Variants in PTK2 observed in about 807,000 individuals in gnomAD.
The protein encoded by PTK2 is protein tyrosine kinase 2, also known as focal adhesion kinase 1.
A neutral mutation model predicts 150.1 loss-of-function variants in PTK2; 45 were observed. The observed-to-expected ratio is 0.30, with a 90% confidence interval of 0.24 to 0.38. The LOEUF (loss-of-function observed/expected upper bound fraction) is 0.38, where lower values mean the gene tolerates loss of function less well. Ranked by LOEUF, PTK2 falls within the 10% of genes least tolerant of loss-of-function variation. The probability of loss-of-function intolerance (pLI) is 1.00; values close to 1 mark genes in which losing one functional copy is unlikely to be tolerated. For synonymous variants in PTK2, 432 were observed against 449.2 expected (o/e 0.96, Z 0.48); for missense variants, 919 against 1,307.3 (o/e 0.70, Z 4.58).
At chr8:140,840,195 A>C (rs1282300307) in intron 7 of PTK2, among the ~76,000 whole-genome samples, 2 of 152,148 alleles carry the variant, frequency 1.3e-5, no homozygotes, top group African/African-American at 2.4e-5. Context: ...ACTAGGTGAG[A>C]CCACAGCTGC....
chr8:140,927,975 A>AAT (rs1179717665), intron 1 of PTK2, among the ~76,000 whole-genome samples: 583 of 48,074 alleles, frequency 0.012, 8 homozygotes, highest in East Asian at 0.043. Flanking sequence ...AAAAAAAAAA[A>AAT]ATATATATAT....
intron 30 of PTK2, among the ~76,000 whole-genome samples, chr8:140,667,481 TAA>T: frequency 6.7e-6 from 1 of 148,928 alleles, no homozygotes; most frequent in African/African-American, 2.5e-5. Context: ...TTTTTTTTTT[TAA>T]AGAGATGGGG....
intron 8 of PTK2, among the ~76,000 whole-genome samples, chr8:140,822,820 T>G (rs957081270): frequency 1.4e-4 from 21 of 152,220 alleles, no homozygotes; most frequent in Admixed American, 2.6e-4. Flanking sequence ...AATAATTACA[T>G]GTCTCTGCCA....
intron 2 of PTK2, among the ~76,000 whole-genome samples, chr8:140,900,726 AG>A (rs1270024075): frequency 1.3e-5 from 2 of 151,834 alleles, no homozygotes; most frequent in Non-Finnish European, 2.9e-5. Flanking sequence ...TCTCAAAAAG[AG>A]AGAAAAAAAA....
chr8:140,764,733 T>C (rs1468325139), intron 14 of PTK2, among the ~76,000 whole-genome samples: 3 of 152,218 alleles, frequency 2.0e-5, no homozygotes, highest in African/African-American at 4.8e-5. Context: ...GACAGCATAA[T>C]CTGAACGGAA....
rs1296424168 is a variant in PTK2 at position 140,981,048 on chromosome 8, C to T, written c.-122+20077G>A. Among the ~76,000 whole-genome samples the T allele has an allele frequency of 2.0e-5, 3 of 149,988 alleles. No homozygotes were observed. The South Asian group carries it at 6.4e-4, about 32-fold the overall frequency. On this transcript the variant is annotated intron_variant, in intron 1 of 31. Transcript: ENST00000522684. ...GTGCTGGGATTACAGGCATGAGCCACCGCACCCAGCCTCTAAAGCTTTTTA... is the reference window on the plus strand; with the variant it reads ...GTGCTGGGATTACAGGCATGAGCCATCGCACCCAGCCTCTAAAGCTTTTTA...
In PTK2 at chr8:140,683,772, G is replaced by GAA. The variant is rs55861612; in HGVS notation, c.2562+2858_2562+2859dup. Among the ~76,000 whole-genome samples, 459 of 145,318 alleles carry GAA rather than the reference G, an allele frequency of 3.2e-3. 6 individuals carry two copies. The highest frequency in any genetic ancestry group is 0.011 in the African/African-American group (415 of 39,442). ...AAACTACAGGATTATCTCAATAGAT[G>GAA]AAAAAAAAAAAAGCTTCCAATAAAA... On this transcript the variant is annotated intron_variant, in intron 27 of 31. Coordinates refer to ENST00000522684, the Ensembl canonical transcript of PTK2.
At chr8:140,954,454 T>C (rs2100180550) in intron 1 of PTK2, among the ~76,000 whole-genome samples, 1 of 152,226 alleles carries the variant, frequency 6.6e-6, no homozygotes, top group Non-Finnish European at 1.5e-5. Context: ...CTTATAAAGT[T>C]ATTGTGAGGA....
intron 23 of PTK2, among the ~76,000 whole-genome samples, chr8:140,707,740 T>C (rs534330164): frequency 3.3e-4 from 50 of 152,328 alleles, no homozygotes; most frequent in Non-Finnish European, 6.5e-4. Flanking sequence ...TTGTATGGTA[T>C]GTAAATTGTA....
At chr8:140,667,711 C>G (rs1216209928) in intron 30 of PTK2, among the ~76,000 whole-genome samples, 1 of 152,168 alleles carries the variant, frequency 6.6e-6, no homozygotes, top group Non-Finnish European at 1.5e-5. Flanking sequence ...TTTATTTTTA[C>G]TCTTTTTAAA....
At chr8:140,757,619 G>T (rs1437767292) in intron 16 of PTK2, among the ~76,000 whole-genome samples, 1 of 152,076 alleles carries the variant, frequency 6.6e-6, no homozygotes. Flanking sequence ...CATAAACATG[G>T]AGTTACTGAA....
At chr8:140,710,495 C>T (rs986387436) in intron 23 of PTK2, among the ~76,000 whole-genome samples, 1 of 151,934 alleles carries the variant, frequency 6.6e-6, no homozygotes. Flanking sequence ...ATGGTGAAAC[C>T]CTGTCTTTAC....
At chr8:140,776,830 G>A (rs2100078735) in intron 14 of PTK2, among the ~76,000 whole-genome samples, 1 of 152,158 alleles carries the variant, frequency 6.6e-6, no homozygotes, top group South Asian at 2.1e-4. Context: ...AACACAATGA[G>A]ATCCCCAAGG....
exon 28 of PTK2, chr8:140,675,484 T>C (rs557669175): frequency 1.2e-6 from 2 of 1,611,892 alleles, no homozygotes; most frequent in South Asian, 2.2e-5. Flanking sequence ...GGCTGATATA[T>C]ATGTTGGTTT....
chr8:140,988,037 C>G (rs898536243), intron 1 of PTK2, among the ~76,000 whole-genome samples: 39 of 138,564 alleles, frequency 2.8e-4, no homozygotes, highest in Admixed American at 1.4e-3. Context: ...AGAGTGAGAC[C>G]CTGTCTCAAA....
chr8:141,000,478 T>C (rs940090959), intron 1 of PTK2, among the ~76,000 whole-genome samples: 2 of 152,152 alleles, frequency 1.3e-5, no homozygotes, highest in Admixed American at 6.5e-5. Flanking sequence ...GGGCGAACCC[T>C]GCCGACGTCC....
rs770397659 is a variant in PTK2 at position 140,734,822 on chromosome 8, G to A, written c.2030+429C>T. 4 of 498,988 alleles carry A rather than the reference G, an allele frequency of 8.0e-6. No individual in the cohort carries two copies. The East Asian group carries it at 1.7e-4, about 21-fold the overall frequency. The allele number at this position is 498,988 out of a possible 1,614,324, so 30.9% of individuals were successfully genotyped here. A position where few individuals can be genotyped will look rare whatever the true frequency, so the allele number is the denominator to read the frequency against. ...AAAAGTTTATAGGTGGCAAAGGTCA[G>A]GAAAGGGATTTCTGGGAGTGAAGAC... On this transcript the variant is annotated intron_variant, in intron 22 of 31. Transcript: ENST00000522684.
intron 4 of PTK2, among the ~76,000 whole-genome samples, chr8:140,876,703 T>G (rs1264276627): frequency 1.3e-5 from 2 of 152,176 alleles, no homozygotes; most frequent in African/African-American, 4.8e-5. Flanking sequence ...TTACATAGAC[T>G]TGCATTCACA....
At chr8:140,675,024 C>T (rs1184805212) in intron 28 of PTK2, among the ~76,000 whole-genome samples, 2 of 150,938 alleles carry the variant, frequency 1.3e-5, no homozygotes, top group Admixed American at 1.3e-4. Flanking sequence ...TGAGCTCACA[C>T]CACTACACTC....
Sources: gnomAD v4.1 joint callset for allele counts (sites outside exome capture counted in the v4.1 genomes callset) on GRCh38, gnomAD v4.1.1 for gene constraint, MANE v1.5 for transcripts, NCBI Gene and HGNC (gene_info 2026-07-23, HGNC 2026-07-21) for gene names.